SH3PXD2B: variants seen among roughly 807,000 people sequenced by gnomAD.
The protein encoded by SH3PXD2B is SH3 and PX domains 2B, also known as SH3 and PX domain-containing protein 2B.
In SH3PXD2B, 37 loss-of-function variants were observed where a neutral mutation model predicts 73.1. The ratio of observed to expected loss-of-function variants is 0.51; its 90% CI spans 0.39 to 0.67. The LOEUF (loss-of-function observed/expected upper bound fraction) is 0.67, where lower values mean the gene tolerates loss of function less well. Among genes scored for constraint, SH3PXD2B ranks in the 30% least tolerant of loss-of-function variants. The pLI is 0.00. For missense variants in SH3PXD2B, 1,053 were observed against 1,197.8 expected (o/e 0.88, Z 1.78); for synonymous variants, 457 against 480.5 (o/e 0.95, Z 0.64).
chr5:172,422,990 A>G (rs1759007339), intron 1 of SH3PXD2B, among the ~76,000 whole-genome samples: 1 of 152,170 alleles, frequency 6.6e-6, no homozygotes, highest in Non-Finnish European at 1.5e-5. Context: ...TCTCCTGTGA[A>G]TGGGGCTAAC....
intron 6 of SH3PXD2B, among the ~76,000 whole-genome samples, chr5:172,370,385 T>C (rs1449450979): frequency 6.6e-6 from 1 of 152,098 alleles, no homozygotes; most frequent in Non-Finnish European, 1.5e-5. Context: ...GCACTAACCC[T>C]CCTAACCAGT....
chr5:172,407,913 G>A (rs888305393), intron 2 of SH3PXD2B, among the ~76,000 whole-genome samples: 2 of 152,212 alleles, frequency 1.3e-5, no homozygotes, highest in Non-Finnish European at 2.9e-5. Context: ...CAAAGCGGAG[G>A]GGCCAGAGAC....
chr5:172,335,704 G>C lies in SH3PXD2B; in HGVS notation c.*2665C>G, dbSNP rs1210850071. ...CGCCATCAATCGCTCACAGAATAGC[G>C]ACCACAGTCCTGGATGGGGTAAATC... On this transcript the variant is annotated 3_prime_UTR_variant, in exon 13 of 13. Transcript: ENST00000311601. The C allele has an allele frequency of 8.1e-7, 1 of 1,231,540 alleles. No individual in the cohort carries two copies. The highest frequency in any genetic ancestry group is 3.2e-5 in the East Asian group (1 of 31,718). The allele number at this position is 1,231,540 out of a possible 1,614,324, so 76.3% of individuals were successfully genotyped here.
chr5:172,405,890 G>A (rs1041492867), intron 3 of SH3PXD2B, among the ~76,000 whole-genome samples: 2 of 152,198 alleles, frequency 1.3e-5, no homozygotes, highest in African/African-American at 4.8e-5. Context: ...TTTAGAGATG[G>A]GAGAAACTGA....
chr5:172,329,924 T>G (rs1290556286), downstream of SH3PXD2B, among the ~76,000 whole-genome samples: 1 of 152,210 alleles, frequency 6.6e-6, no homozygotes, highest in Non-Finnish European at 1.5e-5. Context: ...TACAAGTCTC[T>G]AAAGGAAAAC....
At chr5:172,444,138 C>T (rs1759609139) in intron 1 of SH3PXD2B, among the ~76,000 whole-genome samples, 1 of 152,220 alleles carries the variant, frequency 6.6e-6, no homozygotes, top group African/African-American at 2.4e-5. Context: ...ATCTTAATAT[C>T]CCACTCACAC....
At chr5:172,361,783 A>C (rs945846230) in intron 7 of SH3PXD2B, among the ~76,000 whole-genome samples, 1 of 152,158 alleles carries the variant, frequency 6.6e-6, no homozygotes, top group African/African-American at 2.4e-5. Context: ...TTGAGTAACC[A>C]AGGAAGTTTG....
chr5:172,372,979 C>T (rs916985599), intron 6 of SH3PXD2B, among the ~76,000 whole-genome samples: 1 of 152,080 alleles, frequency 6.6e-6, no homozygotes, highest in Non-Finnish European at 1.5e-5. Context: ...ATGTATAAAC[C>T]CCAGGGGAGA....
chr5:172,393,753 T>C (rs1758237300), intron 4 of SH3PXD2B, among the ~76,000 whole-genome samples: 1 of 152,178 alleles, frequency 6.6e-6, no homozygotes, highest in Admixed American at 6.5e-5. Flanking sequence ...TGCTAAACAA[T>C]ATAAAAACAT....
At chr5:172,390,440 A>G (rs1288968482) in intron 4 of SH3PXD2B, among the ~76,000 whole-genome samples, 1 of 152,242 alleles carries the variant, frequency 6.6e-6, no homozygotes, top group Non-Finnish European at 1.5e-5. Context: ...GCTGGAGTAC[A>G]GTAGCACTAT....
Position 172,336,720 on chromosome 5 carries a change from C to T in SH3PXD2B, c.*1649G>A. 1 of 985,340 alleles carries T rather than the reference C, an allele frequency of 1.0e-6. No homozygotes were observed. Among genetic ancestry groups the T allele is most frequent in the African/African-American group, 1.7e-5 (1 of 57,208 alleles). 61.0% of individuals were successfully genotyped at this position (985,340 alleles called of 1,614,324 possible). The stretch of plus-strand genomic sequence containing the variant: ...TGGGGAGGGGCGGGGCAGGGCAGGG[C>T]AGGGCTGCCTCGGTCGGGTAGAATG... On this transcript the variant is annotated 3_prime_UTR_variant, in exon 13 of 13. Transcript: ENST00000311601.
rs1756694662 is a variant in SH3PXD2B, at chr5:172,336,499, GCTC to G, written c.*1867_*1869del. ...AAGATGCTACAGGTGATCAGAGGAAGCTCCTCACGCAGAAGCAGCCAGCACCCA... is the reference window on the plus strand; with the variant it reads ...AAGATGCTACAGGTGATCAGAGGAAGCTCACGCAGAAGCAGCCAGCACCCA... On this transcript the variant is annotated 3_prime_UTR_variant, in exon 13 of 13. Coordinates refer to ENST00000311601, the MANE Select transcript of SH3PXD2B (RefSeq NM_001017995.3). 1.0e-6 allele frequency: 1 copy of G among 984,282 alleles called. No individual in the cohort carries two copies. The highest frequency in any genetic ancestry group is 1.2e-6 in the Non-Finnish European group (1 of 829,818). 61.0% of individuals were successfully genotyped at this position (984,282 alleles called of 1,614,324 possible).
downstream of SH3PXD2B, among the ~76,000 whole-genome samples, chr5:172,329,510 A>G (rs1160938937): frequency 6.8e-6 from 1 of 147,062 alleles, no homozygotes; most frequent in Non-Finnish European, 1.5e-5. Flanking sequence ...AGTTTATTGT[A>G]GGATCTGGGC....
Position 172,336,683 on chromosome 5 carries a change from G to A in SH3PXD2B, c.*1686C>T. 1.0e-6 allele frequency: 1 copy of A among 984,782 alleles called. No homozygotes were observed. The allele number at this position is 984,782 out of a possible 1,614,324, so 61.0% of individuals were successfully genotyped here. ...AACACTGTGAACTGGAGATCTCTGGGGCAGGGCAGGGTGGGGAGGGGCGGG... is the reference window on the plus strand; with the variant it reads ...AACACTGTGAACTGGAGATCTCTGGAGCAGGGCAGGGTGGGGAGGGGCGGG... On this transcript the variant is annotated 3_prime_UTR_variant, in exon 13 of 13. Transcript: ENST00000311601.
rs1385483343 is a variant in SH3PXD2B at position 172,445,436 on chromosome 5, C to T, written c.75+8842G>A. On this transcript the variant is annotated intron_variant, in intron 1 of 12. Transcript: ENST00000311601. This position sits in a 1 kb window ranked among gnomAD's most constrained non-coding sequence, Gnocchi z 5.2. ...TGTTCCCCAGGCTGGTATTGAACTC[C>T]TGGGCTCAAGCGATCTTCTCGCCTC... 6.6e-6 allele frequency among the ~76,000 whole-genome samples: 1 copy of T among 152,128 alleles called. No individual in the cohort carries two copies. The highest frequency in any genetic ancestry group is 1.9e-4 in the East Asian group (1 of 5,182).
intron 4 of SH3PXD2B, among the ~76,000 whole-genome samples, chr5:172,386,051 G>T (rs1758053818): frequency 6.6e-6 from 1 of 152,174 alleles, no homozygotes; most frequent in Non-Finnish European, 1.5e-5. Context: ...CACGAGAGAG[G>T]AGAGCAAGTC....
intron 1 of SH3PXD2B, 108 bp downstream of exon 1, chr5:172,454,170 A>C: frequency 1.3e-6 from 1 of 772,700 alleles, no homozygotes. Context: ...AGAGCAGGGG[A>C]GGAGGGGACG....
At chr5:172,378,853 G>A (rs1228403910) in intron 5 of SH3PXD2B, among the ~76,000 whole-genome samples, 5 of 152,058 alleles carry the variant, frequency 3.3e-5, no homozygotes, top group African/African-American at 1.2e-4. Flanking sequence ...GGTGGATCAC[G>A]AGGCCAGGAG....
intron 2 of SH3PXD2B, among the ~76,000 whole-genome samples, chr5:172,417,240 C>T (rs115324221): frequency 0.013 from 1,966 of 152,266 alleles, 14 homozygotes; most frequent in South Asian, 0.032. Flanking sequence ...AGGTTGGTCC[C>T]GAATAGCCTG....
Sources: allele counts gnomAD v4.1 joint callset (sites outside exome capture counted in the v4.1 genomes callset), GRCh38; gene constraint gnomAD v4.1.1; non-coding constraint Gnocchi (gnomAD v3.1); transcripts MANE v1.5; gene names NCBI Gene and HGNC (gene_info 2026-07-23, HGNC 2026-07-21).